Variants in QTGAL observed in about 807,000 individuals in gnomAD.
The protein encoded by QTGAL is queuosine-tRNA galactosyltransferase, also known as BGnT-like protein 1.
the QTGAL span, among the ~76,000 whole-genome samples, chr17:83,010,669 G>C: frequency 1.3e-5 from 2 of 152,252 alleles, no homozygotes; most frequent in Non-Finnish European, 2.9e-5. Context: ...AGAACACCTG[G>C]AAGTCCTGTT....
chr17:83,022,673 A>G, the QTGAL span, among the ~76,000 whole-genome samples: 83 of 9,022 alleles, frequency 9.2e-3, no homozygotes, highest in Admixed American at 0.018. Flanking sequence ...CACCTGCACC[A>G]GCGTGAACTC....
the QTGAL span, among the ~76,000 whole-genome samples, chr17:82,997,843 A>G: frequency 2.0e-5 from 3 of 151,954 alleles, no homozygotes; most frequent in African/African-American, 7.2e-5. Context: ...TCATGGAGAT[A>G]GAGAATAAAA....
chr17:82,988,416 C>G, the QTGAL span, among the ~76,000 whole-genome samples: 5 of 152,176 alleles, frequency 3.3e-5, no homozygotes, highest in African/African-American at 1.2e-4. Context: ...ACAAGAAACT[C>G]TAGGCAATAC....
chr17:83,007,261 G>A, the QTGAL span: 1 of 985,386 alleles, frequency 1.0e-6, no homozygotes, highest in Non-Finnish European at 1.2e-6. Flanking sequence ...AATTAGGACA[G>A]CTCTGGAGCC....
the QTGAL span, among the ~76,000 whole-genome samples, chr17:82,972,514 C>G: frequency 3.8e-5 from 4 of 105,774 alleles, no homozygotes; most frequent in Admixed American, 2.1e-4. Context: ...ACACCATGGG[C>G]CAGAAGGACC....
the QTGAL span, chr17:82,949,111 T>C: frequency 3.3e-5 from 5 of 152,226 alleles, no homozygotes; most frequent in Non-Finnish European, 7.3e-5. Flanking sequence ...GAGAAGATGC[T>C]TTCCCTCCCT....
chr17:83,016,856 G>T, the QTGAL span, among the ~76,000 whole-genome samples: 2 of 152,110 alleles, frequency 1.3e-5, no homozygotes, highest in Non-Finnish European at 2.9e-5. Context: ...GAGCTGAGGA[G>T]GCTCAAAGGA....
chr17:82,977,261 C>G, the QTGAL span, among the ~76,000 whole-genome samples: 3 of 152,202 alleles, frequency 2.0e-5, no homozygotes, highest in African/African-American at 7.2e-5. Flanking sequence ...TGAATAAGGA[C>G]AGCTGCGGCG....
the QTGAL span, among the ~76,000 whole-genome samples, chr17:83,016,224 G>C: frequency 2.4e-4 from 37 of 152,280 alleles, 1 homozygote; most frequent in East Asian, 4.8e-3. Flanking sequence ...TGAGTAAAAG[G>C]TACAAATGTA....
chr17:83,006,438 G>A, the QTGAL span: 9 of 984,716 alleles, frequency 9.1e-6, no homozygotes, highest in African/African-American at 1.7e-5. The surrounding 1 kb of genome is among the most constrained non-coding windows in gnomAD (Gnocchi z 5.8). Context: ...AGAAACAACT[G>A]TAGAGAGACC....
At chr17:82,965,836 A>C in the QTGAL span, 1 of 1,309,868 alleles carries the variant, frequency 7.6e-7, no homozygotes, top group East Asian at 2.5e-5. Flanking sequence ...GTCACGAGAA[A>C]GTGACAGATG....
the QTGAL span, among the ~76,000 whole-genome samples, chr17:82,995,978 A>C: frequency 1.2e-4 from 19 of 152,278 alleles, no homozygotes; most frequent in African/African-American, 4.3e-4. Context: ...AAAGAAGAGT[A>C]ATCTCATTTA....
chr17:82,997,936 T>A, the QTGAL span, among the ~76,000 whole-genome samples: 131 of 147,790 alleles, frequency 8.9e-4, no homozygotes, highest in African/African-American at 3.1e-3. Context: ...AAAAAATATA[T>A]ATATATATAT....
At chr17:82,977,313 C>T in the QTGAL span, among the ~76,000 whole-genome samples, 24 of 152,234 alleles carry the variant, frequency 1.6e-4, 1 homozygote, top group South Asian at 3.7e-3. Flanking sequence ...GACTTTAAAA[C>T]GGCTTGAGGA....
chr17:83,010,129 T>C, the QTGAL span, among the ~76,000 whole-genome samples: 1 of 149,518 alleles, frequency 6.7e-6, no homozygotes, highest in Non-Finnish European at 1.5e-5. Context: ...GCCCCTGGTG[T>C]GGGGTGCTGT....
the QTGAL span, among the ~76,000 whole-genome samples, chr17:83,031,923 G>A: frequency 3.9e-5 from 6 of 152,240 alleles, no homozygotes; most frequent in South Asian, 2.1e-4. Context: ...GTTCACTCTC[G>A]TCCTCATCAA....
chr17:82,962,430 C>T, the QTGAL span, among the ~76,000 whole-genome samples: 16 of 146,488 alleles, frequency 1.1e-4, no homozygotes, highest in South Asian at 3.5e-3. Context: ...CACAGAAGCC[C>T]ACATGCTGTC....
chr17:83,020,698 G>A, the QTGAL span, among the ~76,000 whole-genome samples: 2 of 152,188 alleles, frequency 1.3e-5, no homozygotes, highest in African/African-American at 4.8e-5. Context: ...TCTAAAACCA[G>A]CGTCTCAAAG....
At chr17:82,970,622 G>GTGACCTCC in the QTGAL span, among the ~76,000 whole-genome samples, 6 of 60,070 alleles carry the variant, frequency 1.0e-4, no homozygotes, top group African/African-American at 4.3e-4. Flanking sequence ...CTCCCCACCC[G>GTGACCTCC]GCGTGGCCGC....
Sources: gnomAD v4.1 joint callset for allele counts (sites outside exome capture counted in the v4.1 genomes callset) on GRCh38, gnomAD v4.1.1 for gene constraint, Gnocchi (gnomAD v3.1) non-coding constraint, MANE v1.5 for transcripts, NCBI Gene and HGNC (gene_info 2026-07-23, HGNC 2026-07-21) for gene names.